The following MYO5B variants were observed in gnomAD, a reference collection of about 807,000 sequenced individuals.
MYO5B encodes the protein myosin VB.
MYO5B carries 143 observed loss-of-function variants against 229.3 expected under a neutral mutation model. That is an observed-to-expected ratio of 0.62 (90% CI 0.54 to 0.72). The LOEUF is 0.72. MYO5B is among the 30% of genes least tolerant of loss of function. The pLI, the probability that MYO5B is intolerant of heterozygous loss-of-function variation, is 0.00. For synonymous variants in MYO5B, 918 were observed against 885.2 expected, an observed-to-expected ratio of 1.04 and a Z score of -0.66; for missense variants, 2,321 against 2,331.0, an observed-to-expected ratio of 1.00 and a Z score of 0.09.
intron 1 of MYO5B, among the ~76,000 whole-genome samples, chr18:50,127,104 G>A (rs193275414): frequency 6.6e-6 from 1 of 152,274 alleles, no homozygotes; most frequent in Admixed American, 6.5e-5. Flanking sequence ...AGTTAACATA[G>A]GCAATTGAGG....
intron 1 of MYO5B, among the ~76,000 whole-genome samples, chr18:50,058,726 G>C (rs755757364): frequency 6.6e-6 from 1 of 151,652 alleles, no homozygotes; most frequent in African/African-American, 2.4e-5. Flanking sequence ...CAGAAGAATC[G>C]CTTGAGTCCG....
chr18:50,143,958 C>T lies in MYO5B; in HGVS notation c.27+50809G>A, dbSNP rs73430370. Reference sequence around the variant, plus strand: ...TTTTCTGGAGGGCCTCATCATCTAGCCGGACAGAATGTTATCACCTTCTTA... The same window carrying T: ...TTTTCTGGAGGGCCTCATCATCTAGTCGGACAGAATGTTATCACCTTCTTA... On this transcript the variant is annotated intron_variant, in intron 1 of 39. Coordinates refer to ENST00000285039, the MANE Select transcript of MYO5B (RefSeq NM_001080467.3). 3.4e-3 allele frequency among the ~76,000 whole-genome samples: 516 copies of T among 152,282 alleles called. 2 individuals carry two copies. The highest frequency in any genetic ancestry group is 0.012 in the African/African-American group (506 of 41,546).
At chr18:50,067,655 CA>C (rs2030855560) in intron 1 of MYO5B, among the ~76,000 whole-genome samples, 1 of 152,160 alleles carries the variant, frequency 6.6e-6, no homozygotes, top group Admixed American at 6.5e-5. Flanking sequence ...AAGAGCCTGG[CA>C]CCTCCCTGCT....
chr18:50,122,758 A>G (rs1011006625), intron 1 of MYO5B, among the ~76,000 whole-genome samples: 1 of 152,046 alleles, frequency 6.6e-6, no homozygotes, highest in African/African-American at 2.4e-5. Flanking sequence ...CAAAACCACA[A>G]TAAGACACCA....
chr18:50,110,026 C>G (rs1026675536), intron 1 of MYO5B, among the ~76,000 whole-genome samples: 26 of 152,114 alleles, frequency 1.7e-4, no homozygotes, highest in African/African-American at 6.0e-4. Context: ...CCTCTCTCCC[C>G]ACTCCCTTCA....
chr18:49,880,597 A>T, intron 22 of MYO5B, 142 bp from the exon 23 acceptor site: 1 of 748,162 alleles, frequency 1.3e-6, no homozygotes, highest in Non-Finnish European at 2.4e-6. Context: ...TTTGTTTTCA[A>T]GGAAAAATTG....
At chr18:50,105,249 A>AAATAAATAAATAAATAAATAAAT in intron 1 of MYO5B, among the ~76,000 whole-genome samples, 1 of 141,392 alleles carries the variant, frequency 7.1e-6, no homozygotes, top group South Asian at 2.2e-4. Flanking sequence ...ATAAATAAAT[A>AAATAAATAAATAAATAAATAAAT]AAAAATAGAT....
chr18:50,032,330 C>T (rs1370556372), intron 4 of MYO5B, among the ~76,000 whole-genome samples: 1 of 152,166 alleles, frequency 6.6e-6, no homozygotes, highest in African/African-American at 2.4e-5. Context: ...GCCACAACCA[C>T]CCCCCAAAAA....
chr18:49,853,630 A>T lies in MYO5B; in HGVS notation c.4040T>A (p.Leu1347Gln). The change falls in exon 31 of 40, where the codon CTG becomes CAG. Residue 1347 changes from leucine to glutamine, a missense_variant. Around this residue, in one of 2 missense-constraint regions of MYO5B, gnomAD observed 2,113 missense variants for 2,044.7 expected, o/e 1.03. Transcript: ENST00000285039. ...CTCATGCTCCAGGCTCTGGGCCTGC[A>T]GCTGAGCCTCCAGCAGCCTGTGCCA... ...KQVARLLEAQ[L>Q]QAQSLEHEEE... 6.2e-7 allele frequency: 1 copy of T among 1,613,192 alleles called. No individual in the cohort carries two copies. Among genetic ancestry groups the T allele is most frequent in the Non-Finnish European group, 8.5e-7 (1 of 1,179,918 alleles).
At chr18:50,104,694 C>T (rs2031723319) in intron 1 of MYO5B, among the ~76,000 whole-genome samples, 1 of 152,168 alleles carries the variant, frequency 6.6e-6, no homozygotes, top group African/African-American at 2.4e-5. Context: ...TCTTACATTA[C>T]AGCTAAGTTG....
intron 9 of MYO5B, among the ~76,000 whole-genome samples, chr18:49,977,066 G>A (rs1243311443): frequency 6.6e-6 from 1 of 152,170 alleles, no homozygotes; most frequent in African/African-American, 2.4e-5. Flanking sequence ...CGCTGTGAGT[G>A]CAGTGGAGAA....
chr18:50,136,950 T>C (rs1412417493), intron 1 of MYO5B, among the ~76,000 whole-genome samples: 1 of 152,192 alleles, frequency 6.6e-6, no homozygotes, highest in East Asian at 1.9e-4. Flanking sequence ...GGCACTTGTG[T>C]ATTATAGTCA....
chr18:50,040,058 AG>A, intron 3 of MYO5B, 84 bp downstream of exon 3: 1 of 1,397,916 alleles, frequency 7.2e-7, no homozygotes, highest in Non-Finnish European at 1.0e-6. Context: ...GAGTGAAATG[AG>A]GACTCCTAAG....
intron 1 of MYO5B, among the ~76,000 whole-genome samples, chr18:50,156,972 T>C (rs1043917018): frequency 2.0e-5 from 3 of 152,212 alleles, no homozygotes; most frequent in Non-Finnish European, 4.4e-5. Context: ...TGTAACTCTC[T>C]ACCTCAACAC....
chr18:50,006,031 G>A (rs918226308), intron 4 of MYO5B, among the ~76,000 whole-genome samples: 2 of 152,128 alleles, frequency 1.3e-5, no homozygotes, highest in African/African-American at 4.8e-5. Flanking sequence ...TTCACCTGCC[G>A]TGTGACTTTG....
chr18:49,899,619 A>G (rs1164079658), intron 21 of MYO5B, among the ~76,000 whole-genome samples: 1 of 152,212 alleles, frequency 6.6e-6, no homozygotes, highest in Non-Finnish European at 1.5e-5. Flanking sequence ...GCTACTTACT[A>G]GCTGTGTGAC....
rs117682279 is a variant in MYO5B, at chr18:49,894,204, G to C, written c.3045+737C>G. Among the ~76,000 whole-genome samples, 27 of 151,664 alleles carry C rather than the reference G, an allele frequency of 1.8e-4. No homozygotes were observed. In the East Asian group the frequency reaches 5.3e-3, roughly 30 times the overall value. ...TCTCCCTCTTAGATCCCCATCCACT[G>C]CAACTCCCCATTGATGGACAAACAC... On this transcript the variant is annotated intron_variant, in intron 22 of 39. Transcript: ENST00000285039.
At chr18:50,092,813 A>C (rs1013285021) in intron 1 of MYO5B, among the ~76,000 whole-genome samples, 1 of 152,212 alleles carries the variant, frequency 6.6e-6, no homozygotes, top group African/African-American at 2.4e-5. Flanking sequence ...TGAATTATTG[A>C]ATCATTGAAT....
At chr18:49,994,455 G>T (rs573950350) in intron 5 of MYO5B, among the ~76,000 whole-genome samples, 262 of 152,328 alleles carry the variant, frequency 1.7e-3, no homozygotes, top group Middle Eastern at 0.017. Flanking sequence ...TTACTTTAGG[G>T]TTTAAAGTGT....
Sources: gnomAD v4.1 joint callset for allele counts (sites outside exome capture counted in the v4.1 genomes callset) on GRCh38, gnomAD v4.1.1 for gene constraint, gnomAD v4.1.1 regional missense constraint, MANE v1.5 for transcripts, NCBI Gene and HGNC (gene_info 2026-07-23, HGNC 2026-07-21) for gene names.